The following FAT4 variants were observed in gnomAD, a reference collection of about 807,000 sequenced individuals.
FAT4 encodes FAT atypical cadherin 4, also known as protocadherin Fat 4.
FAT4 carries 84 observed loss-of-function variants against 303.9 expected under a neutral mutation model. That is an observed-to-expected ratio of 0.28 (90% CI 0.23 to 0.33). The LOEUF (loss-of-function observed/expected upper bound fraction) is 0.33, where lower values mean the gene tolerates loss of function less well. Among genes scored for constraint, FAT4 ranks in the 10% least tolerant of loss-of-function variants. FAT4 has a pLI of 1.00. For missense variants in FAT4, 6,005 were observed against 6,146.8 expected (o/e 0.98, Z 0.77); for synonymous variants, 2,307 against 2,298.8 (o/e 1.00, Z -0.10).
At chr4:125,410,781 T>C (rs1734809813) in intron 5 of FAT4, among the ~76,000 whole-genome samples, 1 of 152,122 alleles carries the variant, frequency 6.6e-6, no homozygotes, top group Non-Finnish European at 1.5e-5. Flanking sequence ...TCCATGCACA[T>C]GTAAGCACAG....
At chr4:125,338,314 A>T (rs1198481467) in intron 2 of FAT4, among the ~76,000 whole-genome samples, 1 of 152,184 alleles carries the variant, frequency 6.6e-6, no homozygotes, top group Non-Finnish European at 1.5e-5. Context: ...TGTCATTTAG[A>T]CAATAACTAA....
At chr4:125,358,995 T>A (rs981467018) in intron 2 of FAT4, among the ~76,000 whole-genome samples, 54 of 152,202 alleles carry the variant, frequency 3.5e-4, no homozygotes, top group Admixed American at 1.3e-4. Context: ...TTATTAAGTA[T>A]TTAATTGTGC....
At chr4:125,337,420 T>C (rs1291584393) in intron 2 of FAT4, among the ~76,000 whole-genome samples, 3 of 152,104 alleles carry the variant, frequency 2.0e-5, no homozygotes, top group Non-Finnish European at 4.4e-5. Flanking sequence ...TTAAATGAGA[T>C]GTTAAATTAA....
At position 125,491,692 on chromosome 4, in the gene FAT4, C is replaced by G; in HGVS notation, c.14876C>G (p.Ala4959Gly). 6.2e-7 allele frequency: 1 copy of G among 1,614,142 alleles called. No homozygotes were observed. Among genetic ancestry groups the G allele is most frequent in the South Asian group, 1.1e-5 (1 of 91,086 alleles). Residue 4959 changes from alanine (A) to glycine (G), a missense_variant, in exon 18 of 18, where the codon GCA (alanine) becomes GGA (glycine). Coordinates refer to ENST00000394329, the MANE Select transcript of FAT4 (RefSeq NM_001291303.3). The part of the protein sequence containing the change: ...FKDLASLPEK[A>G]AANEEGKAGT... Reference sequence around the variant, plus strand: ...GATTTGGCATCTCTTCCAGAAAAAGCAGCAGCAAATGAAGAAGGCAAAGCT... The same window carrying G: ...GATTTGGCATCTCTTCCAGAAAAAGGAGCAGCAAATGAAGAAGGCAAAGCT...
In FAT4 at chr4:125,491,732, A is replaced by G. The variant is rs1204007613; in HGVS notation, c.14916A>G (p.Pro4972=). The change falls in exon 18 of 18, where the codon CCA becomes CCG. Residue 4972 remains proline (P), a synonymous_variant. Coordinates refer to ENST00000394329, the MANE Select transcript of FAT4 (RefSeq NM_001291303.3). ...AAGGCAAAGCTGGGACAACTAAACC[A>G]GTCCCCAAAGATGGGGAAGCAGAAC... The part of the protein sequence containing the change: ...NEEGKAGTTK[P]VPKDGEAEQY... The G allele has an allele frequency of 6.2e-7, 1 of 1,613,590 alleles. No homozygotes were observed. The highest frequency in any genetic ancestry group is 2.2e-5 in the East Asian group (1 of 44,886).
In FAT4 at chr4:125,316,696, C is replaced by T; in HGVS notation, c.285C>T (p.Thr95=). The change falls in exon 2 of 18, where the codon ACC becomes ACT. Residue 95 remains threonine, a synonymous_variant. Transcript: ENST00000394329. This position sits in a 1 kb window ranked among gnomAD's most constrained non-coding sequence, Gnocchi z 5.7. ...CCGGAGCCCTGTACACCACCTCCAC[C>T]ATCGACCGCGAGAGCCTGCCCAGCG... ...SSTGALYTTS[T]IDRESLPSDV... 3 of 1,613,722 alleles carry T rather than the reference C, an allele frequency of 1.9e-6. No homozygotes were observed. The highest frequency in any genetic ancestry group is 2.5e-6 in the Non-Finnish European group (3 of 1,180,032).
intron 2 of FAT4, among the ~76,000 whole-genome samples, chr4:125,360,228 CTT>C (rs1003560447): frequency 1.2e-4 from 19 of 152,160 alleles, no homozygotes; most frequent in African/African-American, 4.1e-4. Flanking sequence ...ATTAACACCT[CTT>C]TCTCTCTTTC....
chr4:125,315,283 C>G lies in FAT4; in HGVS notation c.-707C>G, dbSNP rs1033380981. Among the ~76,000 whole-genome samples the G allele has an allele frequency of 2.6e-5, 4 of 152,100 alleles. No homozygotes were observed. The highest frequency in any genetic ancestry group is 9.7e-5 in the African/African-American group (4 of 41,434). ...AGCCCAGCGCCGACTTCGCCGCCTC[C>G]GCTGCCAACTGTGAAGGAGAGAGAG... On this transcript the variant is annotated 5_prime_UTR_variant, in exon 1 of 18. Coordinates refer to ENST00000394329, the MANE Select transcript of FAT4 (RefSeq NM_001291303.3).
chr4:125,481,592 A>C lies in FAT4; in HGVS notation c.12676A>C (p.Lys4226Gln), dbSNP rs766249941. Residue 4226 changes from lysine (K) to glutamine (Q), a missense_variant, in exon 16 of 18, where the codon AAG becomes CAG. Coordinates refer to ENST00000394329, the MANE Select transcript of FAT4 (RefSeq NM_001291303.3). ...GGACTACCACATGAGTCAGAATGAG[A>C]AGCGGGAATATTTGTTAAGGCAAAG... ...RLDYHMSQNE[K>Q]REYLLRQSLR... is the part of the protein sequence containing the mutation. 2.9e-5 allele frequency: 46 copies of C among 1,613,982 alleles called. No homozygotes were observed. Among genetic ancestry groups the C allele is most frequent in the Non-Finnish European group, 3.6e-5 (43 of 1,179,956 alleles).
chr4:125,466,921 C>A (rs1317951283), intron 11 of FAT4, among the ~76,000 whole-genome samples: 3 of 151,846 alleles, frequency 2.0e-5, no homozygotes, highest in Non-Finnish European at 4.4e-5. Flanking sequence ...ACTGCAGGTG[C>A]CTGCCACCAT....
At chr4:125,443,763 C>A (rs555479248) in intron 8 of FAT4, among the ~76,000 whole-genome samples, 134 of 152,122 alleles carry the variant, frequency 8.8e-4, no homozygotes, top group African/African-American at 2.9e-3. Context: ...TTTAACTTTA[C>A]AAAAATTAAT....
At position 125,448,801 on chromosome 4, in the gene FAT4, A is replaced by C; in HGVS notation, c.7791A>C (p.Arg2597Ser). 6.2e-7 allele frequency: 1 copy of C among 1,610,176 alleles called. No individual in the cohort carries two copies. The highest frequency in any genetic ancestry group is 8.5e-7 in the Non-Finnish European group (1 of 1,179,904). Reference protein sequence around the residue: ...LVTTITGSSLRGEPMSYYIAS... With the variant: ...LVTTITGSSLSGEPMSYYIAS... ...CCACCATCACAGGATCCTCTTTAAG[A>C]GGAGAACCTATGTCATATTATATCG... is the stretch of plus-strand genomic sequence containing the variant. The change falls in exon 10 of 18, where the codon AGA (arginine) becomes AGC (serine). Residue 2597 changes from arginine (R) to serine (S), a missense_variant. Arg to Ser is a moderately radical substitution (Grantham distance 110, BLOSUM62 -1). Coordinates refer to ENST00000394329, the MANE Select transcript of FAT4 (RefSeq NM_001291303.3).
intron 2 of FAT4, among the ~76,000 whole-genome samples, chr4:125,327,822 T>C (rs751713577): frequency 4.6e-4 from 70 of 152,338 alleles, no homozygotes; most frequent in Middle Eastern, 3.4e-3. Flanking sequence ...GTTATTTACT[T>C]AGAATTTTGT....
At chr4:125,379,101 C>T (rs1390774895) in intron 2 of FAT4, among the ~76,000 whole-genome samples, 1 of 152,042 alleles carries the variant, frequency 6.6e-6, no homozygotes, top group African/African-American at 2.4e-5. Context: ...CTTTAATTTG[C>T]AGTTGCTTGG....
Position 125,319,838 on chromosome 4 carries a change from C to A in FAT4, c.3427C>A (p.Gln1143Lys). The change falls in exon 2 of 18, where the codon CAG (glutamine) becomes AAG (lysine). Residue 1143 changes from glutamine (Q) to lysine (K), a missense_variant. Gln to Lys is a moderately conservative substitution (Grantham distance 53). Coordinates refer to ENST00000394329, the MANE Select transcript of FAT4 (RefSeq NM_001291303.3). The stretch of plus-strand genomic sequence containing the variant: ...AGTAAGGTATTCTTTTGAAATGGTG[C>A]AGCCAGATTTTGAGTTGCATGCCAT... ...GEVRYSFEMV[Q>K]PDFELHAISG... is the part of the protein sequence containing the mutation. The A allele has an allele frequency of 6.2e-7, 1 of 1,614,064 alleles. No individual in the cohort carries two copies. The highest frequency in any genetic ancestry group is 8.5e-7 in the Non-Finnish European group (1 of 1,179,978).
rs78521593 is a variant in FAT4, at chr4:125,477,561, A to ATATG, written c.12479+228_12479+231dup. 0.045 allele frequency among the ~76,000 whole-genome samples: 6,113 copies of ATATG among 135,788 alleles called. 168 individuals carry two copies. Among genetic ancestry groups the ATATG allele is most frequent in the Admixed American group, 0.1 (1,359 of 13,316 alleles). 89.1% of individuals were successfully genotyped at this position (135,788 alleles called of 152,430 possible). A position where few individuals can be genotyped will look rare whatever the true frequency, so the allele number is the denominator to read the frequency against. ...TTCTTATACATATATATATATATAT[A>ATATG]TATGCATGTGGGCATGTATATGTTT... is the stretch of plus-strand genomic sequence containing the variant. On this transcript the variant is annotated intron_variant, in intron 14 of 17. Transcript: ENST00000394329.
At chr4:125,477,795 C>T (rs897275252) in intron 14 of FAT4, among the ~76,000 whole-genome samples, 1 of 151,948 alleles carries the variant, frequency 6.6e-6, no homozygotes, top group Non-Finnish European at 1.5e-5. Context: ...TAATTATGAA[C>T]TGTAAGGCTT....
intron 7 of FAT4, among the ~76,000 whole-genome samples, chr4:125,433,382 T>G (rs1725344349): frequency 6.6e-6 from 1 of 152,212 alleles, no homozygotes; most frequent in African/African-American, 2.4e-5. Flanking sequence ...TAAATGGATC[T>G]TCATTGTTTC....
rs1405876549 is a variant in FAT4, at chr4:125,415,184, C to A, written c.6221C>A (p.Ala2074Glu). ...GATACTGTTGTTTTCAAAGCTCAAG[C>A]AACTGACCCAGATAGTGGCCCAAAC... ...PIDTVVFKAQ[A>E]TDPDSGPNSY... Residue 2074 changes from alanine to glutamate, a missense_variant, in exon 6 of 18, where the codon GCA becomes GAA. Coordinates refer to ENST00000394329, the MANE Select transcript of FAT4 (RefSeq NM_001291303.3). The A allele has an allele frequency of 6.2e-7, 1 of 1,614,074 alleles. No homozygotes were observed. Among genetic ancestry groups the A allele is most frequent in the Non-Finnish European group, 8.5e-7 (1 of 1,179,974 alleles).
Sources: gnomAD v4.1 joint callset for allele counts (sites outside exome capture counted in the v4.1 genomes callset) on GRCh38, gnomAD v4.1.1 for gene constraint, Gnocchi (gnomAD v3.1) non-coding constraint, MANE v1.5 for transcripts, NCBI Gene and HGNC (gene_info 2026-07-23, HGNC 2026-07-21) for gene names.